The following PPP2R2B variants were observed in gnomAD, a reference collection of about 807,000 sequenced individuals.
The protein encoded by PPP2R2B is protein phosphatase 2 regulatory subunit Bbeta.
Under a neutral mutation model 46.0 loss-of-function variants are expected in PPP2R2B, and 5 were observed. The observed-to-expected ratio is 0.11, with a 90% CI of 0.06 to 0.23. The LOEUF is 0.23. Ranked by LOEUF, PPP2R2B falls within the 10% of genes least tolerant of loss-of-function variation. The pLI is 1.00. For missense variants in PPP2R2B, 367 were observed against 575.0 expected (o/e 0.64, Z 3.70); for synonymous variants, 215 against 206.7 (o/e 1.04, Z -0.34).
chr5:146,929,348 T>C (rs1409320835), intron 1 of PPP2R2B, among the ~76,000 whole-genome samples: 1 of 152,190 alleles, frequency 6.6e-6, no homozygotes, highest in Non-Finnish European at 1.5e-5. Flanking sequence ...GTGCCTGGCA[T>C]GTAATAGACA....
chr5:146,781,052 CAG>C (rs978229529), intron 2 of PPP2R2B, among the ~76,000 whole-genome samples: 8 of 145,416 alleles, frequency 5.5e-5, no homozygotes, highest in African/African-American at 2.0e-4. Context: ...ACACTATTGA[CAG>C]AGCATTTATT....
intron 7 of PPP2R2B, among the ~76,000 whole-genome samples, chr5:146,637,195 C>T (rs1774881660): frequency 6.6e-6 from 1 of 152,118 alleles, no homozygotes; most frequent in East Asian, 1.9e-4. Flanking sequence ...TTTATTGTAA[C>T]AAATACATTG....
chr5:146,687,019 G>GTGTATA (rs1222274592), intron 5 of PPP2R2B, among the ~76,000 whole-genome samples: 1 of 150,966 alleles, frequency 6.6e-6, no homozygotes, highest in Non-Finnish European at 1.5e-5. Context: ...GTGTAAGTGT[G>GTGTATA]TGTGTATGTG....
At chr5:146,877,627 G>T (rs750915078) in intron 2 of PPP2R2B, among the ~76,000 whole-genome samples, 22 of 152,118 alleles carry the variant, frequency 1.4e-4, no homozygotes, top group Non-Finnish European at 2.9e-4. Context: ...CGCTCAGGGA[G>T]GGGGGACCAA....
intron 2 of PPP2R2B, among the ~76,000 whole-genome samples, chr5:146,795,991 TC>T (rs1484269790): frequency 1.3e-5 from 2 of 152,156 alleles, no homozygotes; most frequent in East Asian, 3.8e-4. Context: ...ATATAGACTA[TC>T]CCTACGTTTT....
At chr5:146,678,438 A>T (rs1409104713) in intron 5 of PPP2R2B, among the ~76,000 whole-genome samples, 8 of 136,130 alleles carry the variant, frequency 5.9e-5, no homozygotes, top group Non-Finnish European at 7.6e-5. Flanking sequence ...CCAATATCAT[A>T]CTGAATGGGC....
chr5:146,756,667 C>G (rs1421185636), intron 2 of PPP2R2B, among the ~76,000 whole-genome samples: 1 of 152,142 alleles, frequency 6.6e-6, no homozygotes, highest in African/African-American at 2.4e-5. Flanking sequence ...GTTTTCTTAT[C>G]TGAAAAATGG....
In PPP2R2B at chr5:146,660,786, A is replaced by G. The variant is rs146023347; in HGVS notation, c.448-10062T>C. Among the ~76,000 whole-genome samples, 160 of 152,328 alleles carry G rather than the reference A, an allele frequency of 1.1e-3. 4 individuals carry two copies. Among genetic ancestry groups the G allele is most frequent in the Non-Finnish European group, 1.3e-3 (91 of 68,036 alleles). On this transcript the variant is annotated intron_variant, in intron 5 of 9. Transcript: ENST00000394411. Reference sequence around the variant, plus strand: ...GGCTTTGTGTTTCAGGTCATTAAATATCTTAGAATTATATTCTTTCATTTG... The same window carrying G: ...GGCTTTGTGTTTCAGGTCATTAAATGTCTTAGAATTATATTCTTTCATTTG...
intron 5 of PPP2R2B, among the ~76,000 whole-genome samples, chr5:146,684,592 T>C (rs1203639236): frequency 1.3e-5 from 2 of 152,184 alleles, no homozygotes; most frequent in Non-Finnish European, 2.9e-5. Context: ...GCACATCCTG[T>C]ATGCCTCAAA....
At chr5:146,914,979 ACATTAGAGAGCTAAAAAAT>A (rs1217485762) in intron 1 of PPP2R2B, among the ~76,000 whole-genome samples, 2 of 152,334 alleles carry the variant, frequency 1.3e-5, no homozygotes, top group Non-Finnish European at 2.9e-5. Context: ...TAAAATGCAC[ACATTAGAGAGCTAAAAAAT>A]CAAGATGTTG....
At chr5:146,831,716 G>C (rs1758953073) in intron 2 of PPP2R2B, among the ~76,000 whole-genome samples, 1 of 152,216 alleles carries the variant, frequency 6.6e-6, no homozygotes, top group Admixed American at 6.5e-5. Context: ...CTTGAACCTG[G>C]GAGGCGGAGG....
intron 2 of PPP2R2B, among the ~76,000 whole-genome samples, chr5:146,781,678 A>G (rs1354222932): frequency 6.6e-6 from 1 of 152,302 alleles, no homozygotes; most frequent in East Asian, 1.9e-4. Context: ...AGTTAAAAAA[A>G]TGAATTTTCC....
chr5:146,638,270 C>A lies in PPP2R2B; in HGVS notation c.771G>T (p.Leu257=). 1 of 1,613,610 alleles carries A rather than the reference C, an allele frequency of 6.2e-7. No homozygotes were observed. Among genetic ancestry groups the A allele is most frequent in the Non-Finnish European group, 8.5e-7 (1 of 1,179,628 alleles). ...ACTCACATTTGGTGTGCCTGTCACA[C>A]AGGGCAGATGCCCGCATGTCACACA... ...IRLCDMRASA[L]CDRHTKFFEE... is the part of the protein sequence containing the mutation. The change falls in exon 7 of 10, where the codon CTG becomes CTT. Residue 257 remains leucine, a synonymous_variant. Transcript: ENST00000394411.
chr5:146,911,673 C>G (rs1763187954), intron 1 of PPP2R2B, among the ~76,000 whole-genome samples: 1 of 152,220 alleles, frequency 6.6e-6, no homozygotes, highest in African/African-American at 2.4e-5. Context: ...AGAGTTCTTA[C>G]TGCTTGTCTT....
In PPP2R2B at chr5:146,623,606, A is replaced by G. The variant is rs143465870; in HGVS notation, c.790+14645T>C. Among the ~76,000 whole-genome samples the G allele has an allele frequency of 3.9e-5, 6 of 152,368 alleles. No individual in the cohort carries two copies. The East Asian group carries it at 9.6e-4, about 24-fold the overall frequency. ...TTCACTGCATTACAGACATTTTCAA[A>G]TGGCACAAAAAATGTCAGAATATGC... On this transcript the variant is annotated intron_variant, in intron 7 of 9. Transcript: ENST00000394411.
At chr5:146,617,720 A>T (rs1420836357) in intron 7 of PPP2R2B, among the ~76,000 whole-genome samples, 26 of 148,578 alleles carry the variant, frequency 1.7e-4, no homozygotes, top group African/African-American at 6.5e-4. Flanking sequence ...TTTGAAGCAG[A>T]GTCTCGCTCT....
Position 146,893,903 on chromosome 5 carries a change from G to A in PPP2R2B, c.79+161762C>T, listed in dbSNP as rs568319920. Among the ~76,000 whole-genome samples the A allele has an allele frequency of 1.7e-3, 251 of 150,922 alleles. 3 individuals carry two copies. Among genetic ancestry groups the A allele is most frequent in the African/African-American group, 5.1e-3 (209 of 41,172 alleles). ...AATTGAAAAAAAAAAAAAAAAAGCCGGGCATGGTGATGGGTACCTCTAATT... is the reference window on the plus strand; with the variant it reads ...AATTGAAAAAAAAAAAAAAAAAGCCAGGCATGGTGATGGGTACCTCTAATT... On this transcript the variant is annotated intron_variant, in intron 1 of 8. Transcript: ENST00000336640.
chr5:146,652,041 G>A (rs1369300156), intron 5 of PPP2R2B, among the ~76,000 whole-genome samples: 6 of 152,264 alleles, frequency 3.9e-5, no homozygotes, highest in Non-Finnish European at 7.3e-5. Flanking sequence ...CTGTAGAAGG[G>A]TCAGGGGTCC....
chr5:146,633,141 G>GA (rs992116857), intron 7 of PPP2R2B, among the ~76,000 whole-genome samples: 1 of 152,138 alleles, frequency 6.6e-6, no homozygotes, highest in African/African-American at 2.4e-5. Flanking sequence ...AGAAGTGGTA[G>GA]AAAAAAATAG....
Sources: allele counts gnomAD v4.1 joint callset (sites outside exome capture counted in the v4.1 genomes callset), GRCh38; gene constraint gnomAD v4.1.1; transcripts MANE v1.5; gene names NCBI Gene and HGNC (gene_info 2026-07-23, HGNC 2026-07-21).